GPC5: variants seen among roughly 807,000 people sequenced by gnomAD.
The protein encoded by GPC5 is glypican-5.
GPC5 carries 47 observed loss-of-function variants against 53.9 expected under a neutral mutation model. The observed-to-expected ratio is 0.87, with a 90% CI of 0.69 to 1.11. The LOEUF is 1.11. Among genes scored for constraint, GPC5 ranks in the 50% most tolerant of loss-of-function variants. The pLI, the probability that GPC5 is intolerant of heterozygous loss-of-function variation, is 0.00. For synonymous variants in GPC5, 286 were observed against 263.3 expected (o/e 1.09, Z -0.84); for missense variants, 748 against 713.1 (o/e 1.05, Z -0.56).
chr13:91,790,619 T>C (rs746292861), intron 5 of GPC5, among the ~76,000 whole-genome samples: 1 of 152,216 alleles, frequency 6.6e-6, no homozygotes, highest in Non-Finnish European at 1.5e-5. Context: ...TTCTATGATA[T>C]GTTCAGAACA....
intron 5 of GPC5, among the ~76,000 whole-genome samples, chr13:91,864,550 T>C (rs1403439270): frequency 6.6e-6 from 1 of 152,206 alleles, no homozygotes. Flanking sequence ...TTATAAGTGA[T>C]AGTAATACAG....
intron 7 of GPC5, among the ~76,000 whole-genome samples, chr13:92,768,623 A>G (rs1228629314): frequency 6.6e-6 from 1 of 151,962 alleles, no homozygotes; most frequent in Admixed American, 6.6e-5. Flanking sequence ...TCTTTCCCCC[A>G]TAGTCAGTTT....
intron 5 of GPC5, among the ~76,000 whole-genome samples, chr13:91,863,041 C>T (rs1204463900): frequency 6.9e-6 from 1 of 145,124 alleles, no homozygotes; most frequent in Non-Finnish European, 1.5e-5. Context: ...CTTTCTCCTT[C>T]CCTCTCCCCT....
chr13:91,540,580 T>C lies in GPC5; in HGVS notation c.325+91658T>C, dbSNP rs573867979. 1.5e-4 allele frequency among the ~76,000 whole-genome samples: 23 copies of C among 152,332 alleles called. No individual in the cohort carries two copies. The South Asian group carries it at 4.8e-3, about 32-fold the overall frequency. On this transcript the variant is annotated intron_variant, in intron 2 of 7. Transcript: ENST00000377067. ...ACTGCAGACATTAAAAGCCTTTGGA[T>C]TGCACAATTGAAATGGGTGAATTGT...
chr13:92,401,379 T>G (rs1234906017), intron 7 of GPC5, among the ~76,000 whole-genome samples: 1 of 152,090 alleles, frequency 6.6e-6, no homozygotes, highest in Admixed American at 6.6e-5. Context: ...GAAATCGAAG[T>G]ACCATATTGT....
chr13:92,497,180 A>G (rs1566616470), intron 7 of GPC5, among the ~76,000 whole-genome samples: 2 of 152,122 alleles, frequency 1.3e-5, no homozygotes, highest in South Asian at 2.1e-4. Context: ...GTCTTTGCCA[A>G]TGCCTGTGTC....
chr13:91,652,823 C>T (rs1198669928), intron 2 of GPC5, among the ~76,000 whole-genome samples: 2 of 152,136 alleles, frequency 1.3e-5, no homozygotes, highest in Non-Finnish European at 2.9e-5. Context: ...ATATTGATAA[C>T]CTACAGGTCG....
chr13:92,594,086 A>C (rs545124092), intron 7 of GPC5, among the ~76,000 whole-genome samples: 1 of 152,320 alleles, frequency 6.6e-6, no homozygotes, highest in South Asian at 2.1e-4. Context: ...TCAGTAGGCC[A>C]GAGAAGGTAA....
At chr13:91,604,200 G>T (rs1331429225) in intron 2 of GPC5, among the ~76,000 whole-genome samples, 1 of 145,020 alleles carries the variant, frequency 6.9e-6, no homozygotes. Flanking sequence ...AGAATATGCG[G>T]TGTTTGGTTT....
intron 6 of GPC5, among the ~76,000 whole-genome samples, chr13:92,128,485 G>C (rs1340617712): frequency 6.6e-6 from 1 of 152,150 alleles, no homozygotes; most frequent in Admixed American, 6.5e-5. Flanking sequence ...CTTGTCCTGG[G>C]TTTCTAAAGA....
At chr13:92,574,959 A>G (rs1883146652) in intron 7 of GPC5, among the ~76,000 whole-genome samples, 1 of 152,198 alleles carries the variant, frequency 6.6e-6, no homozygotes, top group Non-Finnish European at 1.5e-5. Flanking sequence ...CTATTCATCC[A>G]CAAAACCTCA....
intron 7 of GPC5, among the ~76,000 whole-genome samples, chr13:92,220,558 A>C (rs1006130061): frequency 3.9e-5 from 6 of 152,260 alleles, no homozygotes; most frequent in African/African-American, 1.4e-4. Flanking sequence ...ACTATCGGGA[A>C]GTAAACTTAA....
intron 7 of GPC5, among the ~76,000 whole-genome samples, chr13:92,358,512 C>T (rs2043540909): frequency 6.6e-6 from 1 of 151,754 alleles, no homozygotes; most frequent in Admixed American, 6.5e-5. Context: ...CCACATTTCC[C>T]CTGTGCACTA....
intron 7 of GPC5, among the ~76,000 whole-genome samples, chr13:92,435,135 G>A (rs535788354): frequency 3.5e-4 from 54 of 152,218 alleles, no homozygotes; most frequent in African/African-American, 1.2e-3. Context: ...AGTTGGTCCT[G>A]AACTCCTGAC....
intron 2 of GPC5, among the ~76,000 whole-genome samples, chr13:91,686,428 T>A (rs2035623965): frequency 6.6e-6 from 1 of 151,996 alleles, no homozygotes; most frequent in Admixed American, 6.5e-5. Context: ...AGATGACTGA[T>A]TTCTGCATAA....
In GPC5 at chr13:92,316,259, G is replaced by A. The variant is rs956425995; in HGVS notation, c.1561+171270G>A. ...ACCTTTTTCTTTCTATCCAGTAAAT[G>A]GTTGCGATTTTAATTTTAAATACTT... On this transcript the variant is annotated intron_variant, in intron 7 of 7. Coordinates refer to ENST00000377067, the MANE Select transcript of GPC5 (RefSeq NM_004466.6). Among the ~76,000 whole-genome samples, 6 of 151,968 alleles carry A rather than the reference G, an allele frequency of 3.9e-5. No homozygotes were observed. The East Asian group carries it at 9.6e-4, about 24-fold the overall frequency.
At chr13:92,126,830 G>GTA (rs1004485699) in intron 6 of GPC5, among the ~76,000 whole-genome samples, 2 of 151,124 alleles carry the variant, frequency 1.3e-5, no homozygotes, top group Non-Finnish European at 3.0e-5. Flanking sequence ...GTGTGTGTGT[G>GTA]TGTGTATGTA....
chr13:92,341,290 A>G (rs1264569695), intron 7 of GPC5, among the ~76,000 whole-genome samples: 1 of 152,128 alleles, frequency 6.6e-6, no homozygotes, highest in Non-Finnish European at 1.5e-5. Context: ...TATGGAGAAA[A>G]TAAATTTAGT....
intron 7 of GPC5, among the ~76,000 whole-genome samples, chr13:92,285,117 T>C (rs934579609): frequency 3.3e-5 from 5 of 152,088 alleles, no homozygotes; most frequent in African/African-American, 4.8e-5. Context: ...CAGAGCCAAA[T>C]CATGAGTGAA....
Sources: allele counts gnomAD v4.1 joint callset (sites outside exome capture counted in the v4.1 genomes callset), GRCh38; gene constraint gnomAD v4.1.1; transcripts MANE v1.5; gene names NCBI Gene and HGNC (gene_info 2026-07-23, HGNC 2026-07-21).